Variants in POLR3E observed in about 807,000 individuals in gnomAD.
The protein encoded by POLR3E is DNA-directed RNA polymerase III subunit RPC5.
Under a neutral mutation model 96.6 loss-of-function variants are expected in POLR3E, and 41 were observed. The ratio of observed to expected loss-of-function variants is 0.42; its 90% CI spans 0.33 to 0.55. The LOEUF (loss-of-function observed/expected upper bound fraction) is 0.55. Among genes scored for constraint, POLR3E ranks in the 20% least tolerant of loss-of-function variants. The probability of loss-of-function intolerance (pLI) is 0.06; values close to 1 mark genes in which losing one functional copy is unlikely to be tolerated. For missense variants in POLR3E, 849 were observed against 952.1 expected (o/e 0.89, Z 1.43); for synonymous variants, 396 against 383.6 (o/e 1.03, Z -0.38).
At chr16:22,324,465 G>A (rs2048535744) in intron 15 of POLR3E, 38 bp from the exon 16 acceptor site, 1 of 1,610,688 alleles carries the variant, frequency 6.2e-7, no homozygotes, top group African/African-American at 1.3e-5. Context: ...GAGGGGAGGG[G>A]GCTGGCTGTG....
rs2048376729 is a variant in POLR3E at position 22,317,260 on chromosome 16, GA to G, written c.865+56del. ...GGCCCCAGTCCCAGTGGCTCCTGAG[GA>G]ATGGACTCTGTGGGACAGTGAGGAC... On this transcript the variant is annotated intron_variant, in intron 12 of 20. Coordinates refer to ENST00000299853, the MANE Select transcript of POLR3E (RefSeq NM_018119.4). 3 of 1,296,992 alleles carry G rather than the reference GA, an allele frequency of 2.3e-6. No individual in the cohort carries two copies. The South Asian group carries it at 3.6e-5, about 15-fold the overall frequency. 80.3% of individuals were successfully genotyped at this position (1,296,992 alleles called of 1,614,324 possible).
chr16:22,317,059 C>T lies in POLR3E; in HGVS notation c.773+20C>T. On this transcript the variant is annotated intron_variant, in intron 11 of 20. Transcript: ENST00000299853. ...GGAGAAGTGAGTAGAGGCGGCAGGA[C>T]ACCCTCTCCCTTTCCGGGCTGGCTG... The T allele has an allele frequency of 1.2e-6, 2 of 1,613,894 alleles. No individual in the cohort carries two copies. Among genetic ancestry groups the T allele is most frequent in the Non-Finnish European group, 1.7e-6 (2 of 1,179,728 alleles).
chr16:22,297,853 G>A (rs1445317172), intron 1 of POLR3E, among the ~76,000 whole-genome samples: 1 of 152,272 alleles, frequency 6.6e-6, no homozygotes, highest in Non-Finnish European at 1.5e-5. Context: ...TCCGCGCGTC[G>A]GGTGTAGTGG....
At chr16:22,312,865 C>A (rs2048274487) in intron 6 of POLR3E, among the ~76,000 whole-genome samples, 1 of 120,506 alleles carries the variant, frequency 8.3e-6, no homozygotes, top group Non-Finnish European at 1.6e-5. Flanking sequence ...CAGAGCGACA[C>A]TCCATCTCAA....
At chr16:22,307,655 G>C (rs1312946641) in intron 3 of POLR3E, among the ~76,000 whole-genome samples, 4 of 152,222 alleles carry the variant, frequency 2.6e-5, no homozygotes, top group Admixed American at 6.5e-5. Flanking sequence ...AACCAGATAA[G>C]GAGAGCGAAT....
intron 8 of POLR3E, 58 bp downstream of exon 8, chr16:22,314,186 C>T: frequency 7.2e-7 from 1 of 1,393,294 alleles, no homozygotes; most frequent in South Asian, 1.2e-5. Flanking sequence ...GGACCAGAGA[C>T]CAAGGGGTAG....
chr16:22,328,850 G>A (rs2048669869), intron 19 of POLR3E: 33 of 420,848 alleles, frequency 7.8e-5, no homozygotes, highest in South Asian at 6.8e-4. Context: ...TACAGGCTGG[G>A]CGTAGTGGCT....
At chr16:22,316,723 T>G in intron 10 of POLR3E, 37 bp downstream of exon 10, 1 of 1,524,182 alleles carries the variant, frequency 6.6e-7, no homozygotes, top group Non-Finnish European at 9.1e-7. Flanking sequence ...ACTGGATGCC[T>G]GCCCAGGGTC....
intron 20 of POLR3E, among the ~76,000 whole-genome samples, chr16:22,333,433 CAA>C (rs1463150689): frequency 2.1e-5 from 3 of 145,158 alleles, no homozygotes; most frequent in East Asian, 2.1e-4. Flanking sequence ...GCCTGGGTAA[CAA>C]GAGCAAAACT....
At chr16:22,328,232 C>G (rs978558048) in intron 18 of POLR3E, 1 of 448,346 alleles carries the variant, frequency 2.2e-6, no homozygotes, top group Non-Finnish European at 4.1e-6. Context: ...CGGAGGATAT[C>G]TGCAGACTCG....
At chr16:22,298,901 G>C in intron 1 of POLR3E, 1 of 443,318 alleles carries the variant, frequency 2.3e-6, no homozygotes, top group Non-Finnish European at 4.5e-6. Flanking sequence ...TTAAAGTAAT[G>C]CTCCCCATAA....
Position 22,333,776 on chromosome 16 carries a change from T to C in POLR3E, c.*76T>C. On this transcript the variant is annotated 3_prime_UTR_variant, in exon 21 of 21. Coordinates refer to ENST00000299853, the MANE Select transcript of POLR3E (RefSeq NM_018119.4). ...CGGAACCAGAAGTAGGGCCTCGACT[T>C]GCTTCAGACGACACAGAGCAAGAGG... 3.1e-6 allele frequency: 3 copies of C among 977,432 alleles called. No homozygotes were observed. The highest frequency in any genetic ancestry group is 4.8e-5 in the East Asian group (2 of 41,916). The allele number at this position is 977,432 out of a possible 1,614,324, so 60.5% of individuals were successfully genotyped here. A position where few individuals can be genotyped will look rare whatever the true frequency, so the allele number is the denominator to read the frequency against.
At chr16:22,305,915 A>G (rs1406453800) in intron 3 of POLR3E, among the ~76,000 whole-genome samples, 1 of 152,232 alleles carries the variant, frequency 6.6e-6, no homozygotes, top group Non-Finnish European at 1.5e-5. Flanking sequence ...GATAGAATTT[A>G]CACACCACAC....
chr16:22,321,079 C>T (rs1421717730), intron 13 of POLR3E, among the ~76,000 whole-genome samples: 1 of 152,142 alleles, frequency 6.6e-6, no homozygotes. Context: ...TTCGGCGAAT[C>T]CTCCCCTAGA....
In POLR3E at chr16:22,313,989, C is replaced by T; in HGVS notation, c.473-90C>T. The T allele has an allele frequency of 8.5e-7, 1 of 1,181,564 alleles. No individual in the cohort carries two copies. The highest frequency in any genetic ancestry group is 1.3e-6 in the Non-Finnish European group (1 of 790,408). The allele number at this position is 1,181,564 out of a possible 1,614,324, so 73.2% of individuals were successfully genotyped here. On this transcript the variant is annotated intron_variant, in intron 7 of 20. Transcript: ENST00000299853. The surrounding 1 kb of genome is among the most constrained non-coding windows in gnomAD (Gnocchi z 4.1). ...CCTCTGCGAGGAGAACTCCCAGCAC[C>T]CCGGCCTGAGGCTTCCCTGGCGGGT...
chr16:22,310,622 T>TAAAA (rs60232148), intron 6 of POLR3E, among the ~76,000 whole-genome samples: 1 of 137,632 alleles, frequency 7.3e-6, no homozygotes, highest in African/African-American at 2.7e-5. Context: ...TTAAAAAGTT[T>TAAAA]AAAAAAAAAA....
intron 1 of POLR3E, chr16:22,302,616 G>A (rs2048049398): frequency 3.5e-6 from 1 of 285,770 alleles, no homozygotes; most frequent in Non-Finnish European, 6.6e-6. Context: ...CCTTCTGTCT[G>A]GCAGTGAATT....
intron 9 of POLR3E, 27 bp from the exon 10 acceptor site, chr16:22,316,574 C>T (rs372113819): frequency 1.3e-6 from 2 of 1,590,338 alleles, no homozygotes; most frequent in African/African-American, 2.7e-5. Flanking sequence ...GCTGAGGCTC[C>T]TCTCACACCC....
At chr16:22,304,086 C>T (rs2048085185) in intron 2 of POLR3E, among the ~76,000 whole-genome samples, 1 of 152,152 alleles carries the variant, frequency 6.6e-6, no homozygotes, top group Non-Finnish European at 1.5e-5. Flanking sequence ...GCAGAGATTA[C>T]AGGCATGAGC....
Sources: gnomAD v4.1 joint callset for allele counts (sites outside exome capture counted in the v4.1 genomes callset) on GRCh38, gnomAD v4.1.1 for gene constraint, Gnocchi (gnomAD v3.1) non-coding constraint, MANE v1.5 for transcripts, NCBI Gene and HGNC (gene_info 2026-07-23, HGNC 2026-07-21) for gene names.